Variants in TEX26 observed in about 807,000 individuals in gnomAD.
TEX26 encodes the protein testis-expressed protein 26.
TEX26 carries 34 observed loss-of-function variants against 35.3 expected under a neutral mutation model. That is an observed-to-expected ratio of 0.96 (90% CI 0.73 to 1.28). TEX26 has a LOEUF of 1.28. TEX26 is among the 50% of genes most tolerant of loss of function. The pLI is 0.00. For synonymous variants in TEX26, 136 were observed against 111.8 expected (o/e 1.22, Z -1.36); for missense variants, 371 against 330.1 (o/e 1.12, Z -0.96).
intron 4 of TEX26, among the ~76,000 whole-genome samples, chr13:30,960,463 T>G (rs1468844519): frequency 6.6e-6 from 1 of 152,184 alleles, no homozygotes; most frequent in Non-Finnish European, 1.5e-5. Flanking sequence ...CAGGCTGGTC[T>G]TGAACTCCTG....
chr13:30,933,934 A>G (rs529213553), intron 1 of TEX26: 2 of 152,388 alleles, frequency 1.3e-5, no homozygotes, highest in Admixed American at 6.5e-5. Flanking sequence ...CAAGTGCTGC[A>G]TAAAGGTGCC....
intron 2 of TEX26, among the ~76,000 whole-genome samples, chr13:30,944,758 T>C (rs778823476): frequency 6.6e-6 from 1 of 151,980 alleles, no homozygotes; most frequent in Non-Finnish European, 1.5e-5. Context: ...GTTTTGAGAG[T>C]TCCTTTTGGA....
intron 1 of TEX26, among the ~76,000 whole-genome samples, chr13:30,937,408 C>A (rs959088808): frequency 1.3e-4 from 20 of 152,076 alleles, no homozygotes; most frequent in African/African-American, 4.1e-4. Flanking sequence ...GAGTTGTTTG[C>A]CTTAGAAAAA....
intron 1 of TEX26, among the ~76,000 whole-genome samples, chr13:30,937,254 G>A (rs914043367): frequency 6.6e-6 from 1 of 152,128 alleles, no homozygotes; most frequent in Non-Finnish European, 1.5e-5. Flanking sequence ...TCTTCAGAAG[G>A]GATAGGACCC....
At chr13:30,967,249 A>G (rs1169288059) in intron 5 of TEX26, among the ~76,000 whole-genome samples, 1 of 152,164 alleles carries the variant, frequency 6.6e-6, no homozygotes, top group Non-Finnish European at 1.5e-5. Flanking sequence ...ACTTGAGACA[A>G]TAATCACAGA....
At position 30,957,002 on chromosome 13, in the gene TEX26, A is replaced by G. The variant is rs770380863; in HGVS notation, c.442A>G (p.Lys148Glu). The change falls in exon 4 of 7, where the codon AAG (lysine) becomes GAG (glutamate). Residue 148 changes from lysine (K) to glutamate (E), a missense_variant. Coordinates refer to ENST00000380473, the MANE Select transcript of TEX26 (RefSeq NM_152325.3). Reference sequence around the variant, plus strand: ...ATCAAATCAGTTTATTTCCCTTACTAAGAGAGACTTTGTGGACAGATCAAA... The same window carrying G: ...ATCAAATCAGTTTATTTCCCTTACTGAGAGAGACTTTGTGGACAGATCAAA... ...ALSNQFISLT[K>E]RDFVDRSKAQ... 1 of 1,614,182 alleles carries G rather than the reference A, an allele frequency of 6.2e-7. No individual in the cohort carries two copies. The highest frequency in any genetic ancestry group is 1.1e-5 in the South Asian group (1 of 91,082).
chr13:30,939,829 T>C (rs1175671787), intron 2 of TEX26, 51 bp downstream of exon 2: 1 of 1,506,278 alleles, frequency 6.6e-7, no homozygotes, highest in Admixed American at 1.7e-5. Flanking sequence ...TTTGTTGACT[T>C]GTCTTTTATG....
intron 2 of TEX26, among the ~76,000 whole-genome samples, chr13:30,948,245 G>T (rs577232935): frequency 1.3e-5 from 2 of 152,244 alleles, no homozygotes; most frequent in South Asian, 4.2e-4. Flanking sequence ...AATCCTTTGG[G>T]TACATACCTA....
In TEX26 at chr13:30,952,685, T is replaced by C. The variant is rs1953973176; in HGVS notation, c.172T>C (p.Tyr58His). ...CCAAAACGGTATCAGAAGATTAGGA[T>C]ATACATATTCACTTAGTGATCCTAT... is the stretch of plus-strand genomic sequence containing the variant. ...IRQNGIRRLGYTYSLSDPILN... is the reference protein window; with the variant it reads ...IRQNGIRRLGHTYSLSDPILN... Residue 58 changes from tyrosine to histidine, a missense_variant, in exon 3 of 7, where the codon TAT (tyrosine) becomes CAT (histidine). Tyr to His is a moderately conservative substitution (Grantham distance 83). Coordinates refer to ENST00000380473, the MANE Select transcript of TEX26 (RefSeq NM_152325.3). The C allele has an allele frequency of 6.2e-7, 1 of 1,606,182 alleles. No individual in the cohort carries two copies. Among genetic ancestry groups the C allele is most frequent in the African/African-American group, 1.3e-5 (1 of 74,672 alleles).
chr13:30,960,491 C>T (rs761894907), intron 4 of TEX26, among the ~76,000 whole-genome samples: 1 of 152,150 alleles, frequency 6.6e-6, no homozygotes, highest in Non-Finnish European at 1.5e-5. Flanking sequence ...GCAATCCACC[C>T]ACCTCAGCCT....
intron 4 of TEX26, among the ~76,000 whole-genome samples, chr13:30,960,628 C>G (rs1266100889): frequency 6.6e-6 from 1 of 152,190 alleles, no homozygotes; most frequent in Non-Finnish European, 1.5e-5. Flanking sequence ...TCTCTTTCTT[C>G]CTCCCTCCAA....
intron 2 of TEX26, among the ~76,000 whole-genome samples, chr13:30,952,001 A>ATTTTTTT (rs751918742): frequency 3.9e-5 from 2 of 50,712 alleles, no homozygotes; most frequent in Non-Finnish European, 3.3e-5. Context: ...TTATTCTGGG[A>ATTTTTTT]TTTTTTTTTT....
chr13:30,938,254 G>T (rs777499834), intron 1 of TEX26, among the ~76,000 whole-genome samples: 10 of 152,146 alleles, frequency 6.6e-5, no homozygotes, highest in Middle Eastern at 3.2e-3. Flanking sequence ...GTGGTACTTC[G>T]TTGACAATGG....
intron 2 of TEX26, among the ~76,000 whole-genome samples, chr13:30,950,123 A>G (rs1953864387): frequency 6.6e-6 from 1 of 152,216 alleles, no homozygotes. Flanking sequence ...CTCGGAAAAG[A>G]TTCTGGGCAT....
chr13:30,954,859 T>C (rs1336656323), intron 3 of TEX26, among the ~76,000 whole-genome samples: 1 of 152,170 alleles, frequency 6.6e-6, no homozygotes, highest in African/African-American at 2.4e-5. Context: ...CACACGACCA[T>C]ATAATTTTCC....
chr13:30,951,669 T>C (rs974367249), intron 2 of TEX26, among the ~76,000 whole-genome samples: 1 of 152,142 alleles, frequency 6.6e-6, no homozygotes, highest in Non-Finnish European at 1.5e-5. Flanking sequence ...TGGAAGCAAA[T>C]CCCAGGCATT....
intron 3 of TEX26, among the ~76,000 whole-genome samples, chr13:30,953,026 A>C (rs554828159): frequency 6.6e-6 from 1 of 152,300 alleles, no homozygotes; most frequent in South Asian, 2.1e-4. Context: ...TTTTTTTAAA[A>C]AAGGACTTTT....
intron 6 of TEX26, among the ~76,000 whole-genome samples, chr13:30,974,305 G>A (rs142913349): frequency 6.3e-4 from 95 of 151,564 alleles, no homozygotes; most frequent in African/African-American, 2.2e-3. Context: ...TACCAGTATC[G>A]GTGAGTAAAA....
At chr13:30,968,741 C>T in intron 5 of TEX26, 144 bp from the exon 6 acceptor site, 2 of 710,144 alleles carry the variant, frequency 2.8e-6, no homozygotes, top group South Asian at 4.4e-5. Context: ...TAATACAGAG[C>T]CTTAATGTCC....
Sources: allele counts gnomAD v4.1 joint callset (sites outside exome capture counted in the v4.1 genomes callset), GRCh38; gene constraint gnomAD v4.1.1; transcripts MANE v1.5; gene names NCBI Gene and HGNC (gene_info 2026-07-23, HGNC 2026-07-21).